Variants in ACACB observed in about 807,000 individuals in gnomAD.
ACACB encodes acetyl-CoA carboxylase 2.
ACACB carries 209 observed loss-of-function variants against 278.8 expected under a neutral mutation model. The ratio of observed to expected loss-of-function variants is 0.75; its 90% CI spans 0.67 to 0.84. The LOEUF (loss-of-function observed/expected upper bound fraction) is 0.84, where lower values mean the gene tolerates loss of function less well. Ranked by LOEUF, ACACB falls within the 40% of genes least tolerant of loss-of-function variation. ACACB has a pLI of 0.00. For missense variants in ACACB, 2,850 were observed against 3,269.0 expected (o/e 0.87, Z 3.13); for synonymous variants, 1,174 against 1,285.6 (o/e 0.91, Z 1.86).
intron 16 of ACACB, 95 bp downstream of exon 16, chr12:109,193,824 A>G: frequency 8.7e-7 from 1 of 1,147,088 alleles, no homozygotes; most frequent in Non-Finnish European, 1.3e-6. Context: ...GGATTTGCTC[A>G]TGCTTGGGTT....
chr12:109,210,109 GTA>G (rs1242873306), intron 21 of ACACB, among the ~76,000 whole-genome samples: 2 of 114,342 alleles, frequency 1.7e-5, no homozygotes, highest in South Asian at 2.7e-4. Flanking sequence ...GTGTGTATAT[GTA>G]TATATACACG....
intron 26 of ACACB, among the ~76,000 whole-genome samples, chr12:109,223,227 C>T (rs1398976724): frequency 1.2e-4 from 19 of 152,144 alleles, no homozygotes; most frequent in Admixed American, 1.0e-3. Context: ...GTGGCTGAGT[C>T]GCGGCCTCAT....
At chr12:109,190,626 G>GTTTT (rs79826041) in intron 13 of ACACB, among the ~76,000 whole-genome samples, 3 of 150,612 alleles carry the variant, frequency 2.0e-5, no homozygotes, top group Non-Finnish European at 4.4e-5. Flanking sequence ...TTTTCCCTTT[G>GTTTT]TTTTTTTTTC....
intron 2 of ACACB, among the ~76,000 whole-genome samples, chr12:109,148,885 T>C (rs890332410): frequency 6.6e-6 from 1 of 152,200 alleles, no homozygotes; most frequent in African/African-American, 2.4e-5. Flanking sequence ...TTTTATGTGG[T>C]ATGATTATGA....
At chr12:109,112,779 C>T (rs559102284), upstream of ACACB, among the ~76,000 whole-genome samples, 22 of 151,154 alleles carry the variant, frequency 1.5e-4, no homozygotes, top group African/African-American at 5.3e-4. Flanking sequence ...GTCAAGTCTG[C>T]TATATTCCTG....
At chr12:109,238,509 ATAT>A (rs1393506235) in intron 34 of ACACB, among the ~76,000 whole-genome samples, 12 of 144,564 alleles carry the variant, frequency 8.3e-5, no homozygotes, top group Non-Finnish European at 1.5e-4. Flanking sequence ...AATATAATAC[ATAT>A]TATATGTATT....
Position 109,135,753 on chromosome 12 carries a change from T to C in ACACB, c.-9-3644T>C, listed in dbSNP as rs1224578804. Among the ~76,000 whole-genome samples the C allele has an allele frequency of 3.9e-5, 6 of 152,076 alleles. No individual in the cohort carries two copies. In the East Asian group the frequency reaches 9.7e-4, roughly 25 times the overall value. ...GAAGTAGGGGTCCAACTTTTTATTC[T>C]TGTGCATGTGGAAATCCAGTTGTTC... On this transcript the variant is annotated intron_variant, in intron 1 of 52. Transcript: ENST00000338432.
At chr12:109,238,864 C>CAAG in intron 34 of ACACB, among the ~76,000 whole-genome samples, 1 of 151,500 alleles carries the variant, frequency 6.6e-6, no homozygotes, top group East Asian at 2.0e-4. Flanking sequence ...CACGCCTGGC[C>CAAG]CTATTGATGG....
chr12:109,228,407 A>G (rs947886376), intron 28 of ACACB, among the ~76,000 whole-genome samples: 1 of 151,710 alleles, frequency 6.6e-6, no homozygotes, highest in Non-Finnish European at 1.5e-5. Context: ...TAATCCTAGC[A>G]CTTCGGAGGG....
intron 47 of ACACB, chr12:109,260,060 T>A: frequency 7.4e-7 from 1 of 1,355,948 alleles, no homozygotes; most frequent in South Asian, 1.1e-5. Flanking sequence ...CTTGTTTTCA[T>A]GTAGGGTGCC....
At chr12:109,184,901 C>T (rs1183265848) in intron 11 of ACACB, among the ~76,000 whole-genome samples, 2 of 151,686 alleles carry the variant, frequency 1.3e-5, no homozygotes, top group Non-Finnish European at 2.9e-5. Context: ...CTGTAGAGAT[C>T]GGGTCTCATT....
At chr12:109,147,541 G>A (rs536641858) in intron 2 of ACACB, among the ~76,000 whole-genome samples, 2 of 151,886 alleles carry the variant, frequency 1.3e-5, no homozygotes, top group East Asian at 1.9e-4. Context: ...CTCCACAACC[G>A]GCTCCTAAAA....
intron 10 of ACACB, among the ~76,000 whole-genome samples, chr12:109,179,635 T>C (rs2044396737): frequency 6.6e-6 from 1 of 152,144 alleles, no homozygotes; most frequent in Non-Finnish European, 1.5e-5. Flanking sequence ...TACAGGAACC[T>C]GTCACCATGT....
rs1268454771 is a variant in ACACB, at chr12:109,222,555, A to ATCCTCAACGAGCTCACTCAGC, written c.3615_3635dup (p.Leu1206_Leu1212dup). On this transcript the variant is annotated inframe_insertion, in exon 25 of 53. Transcript: ENST00000338432. ...TTCCCTGTCGGACGAGCTGATCTCC[A>ATCCTCAACGAGCTCACTCAGC]TCCTCAACGAGCTCACTCAGCTGAG... 2 of 1,614,102 alleles carry ATCCTCAACGAGCTCACTCAGC rather than the reference A, an allele frequency of 1.2e-6. No homozygotes were observed. Among genetic ancestry groups the ATCCTCAACGAGCTCACTCAGC allele is most frequent in the South Asian group, 2.2e-5 (2 of 91,074 alleles).
chr12:109,165,295 G>C lies in ACACB; in HGVS notation c.654-1566G>C, dbSNP rs74884696. On this transcript the variant is annotated intron_variant, in intron 2 of 52. Transcript: ENST00000338432. ...AGGACAGCCAGTACCTACGGAAGGA[G>C]AACAGAGGCCTTCAGGAGAGATGTC... is the stretch of plus-strand genomic sequence containing the variant. Among the ~76,000 whole-genome samples, 493 of 152,180 alleles carry C rather than the reference G, an allele frequency of 3.2e-3. 16 individuals carry two copies. The East Asian group carries it at 0.081, about 25-fold the overall frequency.
At chr12:109,147,891 C>T (rs1011556637) in intron 2 of ACACB, among the ~76,000 whole-genome samples, 4 of 152,156 alleles carry the variant, frequency 2.6e-5, no homozygotes, top group African/African-American at 9.7e-5. Context: ...ATAGTTGTTG[C>T]TCTTTAGCAG....
chr12:109,213,060 C>T, intron 22 of ACACB, 124 bp downstream of exon 22: 1 of 738,158 alleles, frequency 1.4e-6, no homozygotes, highest in Non-Finnish European at 2.3e-6. Flanking sequence ...TGTTATAGTC[C>T]TGCAGTGCCA....
chr12:109,155,646 C>G (rs2043512221), intron 2 of ACACB, among the ~76,000 whole-genome samples: 1 of 150,122 alleles, frequency 6.7e-6, no homozygotes, highest in Non-Finnish European at 1.5e-5. Flanking sequence ...GCAGAACGTT[C>G]TGTAACTCAC....
rs1247289062 is a variant in ACACB at position 109,191,718 on chromosome 12, C to CCTG, written c.2250_2251insCTG (p.Asp750_Ile751insLeu). The CCTG allele has an allele frequency of 1.2e-6, 2 of 1,614,226 alleles. No homozygotes were observed. Among genetic ancestry groups the CCTG allele is most frequent in the Admixed American group, 3.3e-5 (2 of 60,028 alleles). The stretch of plus-strand genomic sequence containing the variant: ...AGACCGAGAGCTTCCAGAACAACGA[C>CCTG]ATCGACACCGGGTGGTTGGACTACC... On this transcript the variant is annotated inframe_insertion, in exon 14 of 53. Coordinates refer to ENST00000338432, the MANE Select transcript of ACACB (RefSeq NM_001093.4).
Sources: gnomAD v4.1 joint callset for allele counts (sites outside exome capture counted in the v4.1 genomes callset) on GRCh38, gnomAD v4.1.1 for gene constraint, MANE v1.5 for transcripts, NCBI Gene and HGNC (gene_info 2026-07-23, HGNC 2026-07-21) for gene names.